Variants in TTC7A observed in about 807,000 individuals in gnomAD.
The protein encoded by TTC7A is tetratricopeptide repeat protein 7A.
Under a neutral mutation model 103.7 loss-of-function variants are expected in TTC7A, and 110 were observed. The ratio of observed to expected loss-of-function variants is 1.06; its 90% CI spans 0.91 to 1.24. The LOEUF (loss-of-function observed/expected upper bound fraction) is 1.24, where lower values mean the gene tolerates loss of function less well. TTC7A is among the 50% of genes most tolerant of loss of function. The pLI is 0.00. For synonymous variants in TTC7A, 521 were observed against 467.9 expected, an observed-to-expected ratio of 1.11 and a Z score of -1.47; for missense variants, 1,340 against 1,116.3, an observed-to-expected ratio of 1.20 and a Z score of -2.86.
chr2:46,927,358 T>A, intron 2 of TTC7A, among the ~76,000 whole-genome samples: 1 of 136,660 alleles, frequency 7.3e-6, no homozygotes, highest in Non-Finnish European at 1.7e-5. Flanking sequence ...AAAAAAGATT[T>A]TTTTTTTTTT....
intron 11 of TTC7A, among the ~76,000 whole-genome samples, chr2:47,017,247 G>A (rs968783017): frequency 6.7e-6 from 1 of 148,810 alleles, no homozygotes; most frequent in African/African-American, 2.5e-5. Flanking sequence ...TGGGGTGGTA[G>A]GTCATGCCTA....
intron 3 of TTC7A, among the ~76,000 whole-genome samples, chr2:46,962,470 A>G (rs1672470034): frequency 6.6e-6 from 1 of 152,106 alleles, no homozygotes; most frequent in Admixed American, 6.6e-5. Flanking sequence ...GAGGAAGTAA[A>G]ATTTGTCAGC....
chr2:46,948,970 T>C (rs1233518824), intron 1 of TTC7A, among the ~76,000 whole-genome samples: 1 of 152,206 alleles, frequency 6.6e-6, no homozygotes, highest in Non-Finnish European at 1.5e-5. Flanking sequence ...TGTGGGGTAG[T>C]TGAGAGGATC....
chr2:47,011,944 T>C (rs1404601028), intron 11 of TTC7A, among the ~76,000 whole-genome samples: 1 of 152,220 alleles, frequency 6.6e-6, no homozygotes, highest in Non-Finnish European at 1.5e-5. Flanking sequence ...TGCTTACTGC[T>C]CTCTGCAGAA....
chr2:46,965,263 C>T (rs1672736098), intron 3 of TTC7A, among the ~76,000 whole-genome samples: 1 of 152,236 alleles, frequency 6.6e-6, no homozygotes, highest in Non-Finnish European at 1.5e-5. Flanking sequence ...CACTACGCTG[C>T]TTCCAGGACA....
At chr2:46,966,331 A>G (rs1323893644) in intron 3 of TTC7A, among the ~76,000 whole-genome samples, 1 of 152,116 alleles carries the variant, frequency 6.6e-6, no homozygotes, top group Non-Finnish European at 1.5e-5. Context: ...TAGTAACTCT[A>G]TTTTGTATTT....
intron 10 of TTC7A, among the ~76,000 whole-genome samples, 199 bp downstream of exon 10, chr2:47,006,923 G>A (rs1280357725): frequency 1.3e-5 from 2 of 152,202 alleles, no homozygotes; most frequent in Non-Finnish European, 2.9e-5. Context: ...CTGTGAGTGT[G>A]CCGGTGTGCT....
chr2:46,996,083 G>A (rs896535232), intron 8 of TTC7A, among the ~76,000 whole-genome samples: 3 of 152,254 alleles, frequency 2.0e-5, no homozygotes, highest in African/African-American at 7.2e-5. Context: ...ACATATGGTG[G>A]CCATGGTACC....
rs367676814 is a variant in TTC7A, at chr2:47,027,728, C to T, written c.1642-1496C>T. Reference sequence around the variant, plus strand: ...GGGCTGCCTCAGGCAGGGCATGGTGCAGGGGTGCCCAGCAGGGTGCAAGGG... The same window carrying T: ...GGGCTGCCTCAGGCAGGGCATGGTGTAGGGGTGCCCAGCAGGGTGCAAGGG... On this transcript the variant is annotated intron_variant, in intron 14 of 19. Transcript: ENST00000319190. Among the ~76,000 whole-genome samples, 103 of 152,264 alleles carry T rather than the reference C, an allele frequency of 6.8e-4. 1 individual carries two copies. The highest frequency in any genetic ancestry group is 2.4e-3 in the African/African-American group (100 of 41,550).
intron 8 of TTC7A, among the ~76,000 whole-genome samples, chr2:47,003,613 G>C (rs988186769): frequency 3.3e-5 from 5 of 152,188 alleles, no homozygotes; most frequent in African/African-American, 9.6e-5. Flanking sequence ...AGGGTCCCCA[G>C]ACCCTGGATG....
At chr2:46,966,309 G>T (rs1339834665) in intron 3 of TTC7A, among the ~76,000 whole-genome samples, 1 of 152,148 alleles carries the variant, frequency 6.6e-6, no homozygotes, top group Admixed American at 6.5e-5. Flanking sequence ...TACACTACGA[G>T]CTAGGCATTA....
chr2:46,987,784 G>A (rs1401749787), intron 5 of TTC7A, among the ~76,000 whole-genome samples: 5 of 151,768 alleles, frequency 3.3e-5, no homozygotes, highest in East Asian at 1.9e-4. Flanking sequence ...TGTTCAGGCC[G>A]GTGAAAGCAC....
intron 5 of TTC7A, among the ~76,000 whole-genome samples, chr2:46,984,761 G>GTT (rs1216019097): frequency 3.3e-5 from 5 of 152,190 alleles, no homozygotes; most frequent in Non-Finnish European, 5.9e-5. Flanking sequence ...CACTAGTGAG[G>GTT]GAGGCTTGGA....
In TTC7A at chr2:46,941,577, G is replaced by A. The variant is rs1187105862; in HGVS notation, c.36G>A (p.Lys12=). Residue 12 remains lysine, a synonymous_variant, in exon 1 of 20, where the codon AAG becomes AAA. Coordinates refer to ENST00000319190, the MANE Select transcript of TTC7A (RefSeq NM_020458.4). The surrounding 1 kb of genome is among the most constrained non-coding windows in gnomAD (Gnocchi z 4.2). ...AGGGCGCGCACGGCTCCTACCTGAA[G>A]GTGGAGAGCGAGCTGGAGCGCTGCC... ...AAKGAHGSYL[K]VESELERCRA... 3 of 1,557,656 alleles carry A rather than the reference G, an allele frequency of 1.9e-6. No individual in the cohort carries two copies. The highest frequency in any genetic ancestry group is 2.7e-5 in the African/African-American group (2 of 73,538).
chr2:47,071,378 A>G (rs1487823286), intron 19 of TTC7A, among the ~76,000 whole-genome samples: 3 of 152,104 alleles, frequency 2.0e-5, no homozygotes, highest in African/African-American at 4.8e-5. Flanking sequence ...TCCCCCACAG[A>G]GAGCCATGCC....
Position 46,974,836 on chromosome 2 carries a change from C to G in TTC7A, c.518-137C>G, listed in dbSNP as rs549361760. ...CCGTCGCTTCAGCTTCCTCCCTCCC[C>G]TCCGCAGACCTCCGCCTCCTCCTGG... is the stretch of plus-strand genomic sequence containing the variant. On this transcript the variant is annotated intron_variant, in intron 3 of 19. Transcript: ENST00000319190. 4 of 1,242,054 alleles carry G rather than the reference C, an allele frequency of 3.2e-6. No individual in the cohort carries two copies. The East Asian group carries it at 1.1e-4, about 33-fold the overall frequency. 76.9% of individuals were successfully genotyped at this position (1,242,054 alleles called of 1,614,324 possible). A position where few individuals can be genotyped will look rare whatever the true frequency, so the allele number is the denominator to read the frequency against.
chr2:47,042,474 C>T (rs1008036728), intron 15 of TTC7A, among the ~76,000 whole-genome samples: 1 of 151,700 alleles, frequency 6.6e-6, no homozygotes, highest in Admixed American at 6.6e-5. Flanking sequence ...TGCACTCTGC[C>T]TGGGCAGCAG....
chr2:46,975,462 T>G (rs1477879611), intron 4 of TTC7A, among the ~76,000 whole-genome samples: 3 of 151,864 alleles, frequency 2.0e-5, no homozygotes, highest in African/African-American at 7.3e-5. Context: ...CAGAAGCTCC[T>G]CCCTGGATCC....
At chr2:46,966,512 G>A (rs1037186094) in intron 3 of TTC7A, among the ~76,000 whole-genome samples, 1 of 151,570 alleles carries the variant, frequency 6.6e-6, no homozygotes, top group African/African-American at 2.4e-5. Context: ...CTATGTCACT[G>A]TAAGTAACTT....
Sources: allele counts gnomAD v4.1 joint callset (sites outside exome capture counted in the v4.1 genomes callset), GRCh38; gene constraint gnomAD v4.1.1; non-coding constraint Gnocchi (gnomAD v3.1); transcripts MANE v1.5; gene names NCBI Gene and HGNC (gene_info 2026-07-23, HGNC 2026-07-21).